RBMS1: variants seen among roughly 807,000 people sequenced by gnomAD.
RBMS1 encodes the protein RNA-binding motif, single-stranded-interacting protein 1.
In RBMS1, 17 loss-of-function variants were observed where a neutral mutation model predicts 62.3. That is an observed-to-expected ratio of 0.27 (90% CI 0.19 to 0.41). The LOEUF is 0.41. Among genes scored for constraint, RBMS1 ranks in the 10% least tolerant of loss-of-function variants. The probability of loss-of-function intolerance (pLI) is 1.00; values close to 1 mark genes in which losing one functional copy is unlikely to be tolerated. For synonymous variants in RBMS1, 172 were observed against 170.0 expected, an observed-to-expected ratio of 1.01 and a Z score of -0.09; for missense variants, 334 against 504.5, an observed-to-expected ratio of 0.66 and a Z score of 3.24.
chr2:160,331,642 T>C (rs1691280233), intron 2 of RBMS1, among the ~76,000 whole-genome samples: 3 of 152,328 alleles, frequency 2.0e-5, no homozygotes, highest in Admixed American at 1.3e-4. Context: ...GTTTTCTACA[T>C]TGAATGCAAT....
intron 2 of RBMS1, among the ~76,000 whole-genome samples, chr2:160,354,708 C>G (rs1337186958): frequency 6.6e-6 from 1 of 152,108 alleles, no homozygotes; most frequent in African/African-American, 2.4e-5. Flanking sequence ...ATCTCCCATG[C>G]AGATTCCTTT....
intron 1 of RBMS1, among the ~76,000 whole-genome samples, chr2:160,448,462 T>C (rs1267850032): frequency 3.3e-5 from 5 of 152,136 alleles, no homozygotes; most frequent in Non-Finnish European, 7.4e-5. Flanking sequence ...GCCTGACTGG[T>C]TTTTGCATTT....
chr2:160,473,585 GT>G (rs1200428750), intron 1 of RBMS1, among the ~76,000 whole-genome samples: 1 of 152,166 alleles, frequency 6.6e-6, no homozygotes, highest in Non-Finnish European at 1.5e-5. Context: ...CTCATTTACT[GT>G]TCAAAGGACA....
chr2:160,433,677 C>T (rs1682997360), intron 1 of RBMS1, among the ~76,000 whole-genome samples: 1 of 152,184 alleles, frequency 6.6e-6, no homozygotes, highest in Non-Finnish European at 1.5e-5. Flanking sequence ...AGCCACACTG[C>T]CTACATAAAA....
intron 6 of RBMS1, among the ~76,000 whole-genome samples, chr2:160,295,716 G>A (rs1042639516): frequency 5.3e-5 from 8 of 152,104 alleles, no homozygotes; most frequent in Non-Finnish European, 1.2e-4. Context: ...ACAAAACCAC[G>A]AAGTTCTTTA....
intron 1 of RBMS1, among the ~76,000 whole-genome samples, chr2:160,474,664 C>T (rs1685054185): frequency 6.6e-6 from 1 of 152,092 alleles, no homozygotes; most frequent in South Asian, 2.1e-4. Context: ...TTCTTGAGTA[C>T]GTATGTACAG....
chr2:160,329,917 A>G (rs1691163444), intron 2 of RBMS1, among the ~76,000 whole-genome samples: 1 of 152,090 alleles, frequency 6.6e-6, no homozygotes, highest in Admixed American at 6.6e-5. Flanking sequence ...TCTAGAAACT[A>G]AAGGCAGATA....
At chr2:160,278,420 TG>T in intron 11 of RBMS1, 127 bp downstream of exon 11, 1 of 755,282 alleles carries the variant, frequency 1.3e-6, no homozygotes, top group Non-Finnish European at 2.3e-6. Context: ...GAAGGTCATG[TG>T]GGGGGAAGAG....
At chr2:160,481,118 A>T (rs556878996) in intron 1 of RBMS1, among the ~76,000 whole-genome samples, 1 of 151,258 alleles carries the variant, frequency 6.6e-6, no homozygotes, top group East Asian at 1.9e-4. Context: ...CAGAAGAAGA[A>T]CCACACAAAC....
intron 1 of RBMS1, among the ~76,000 whole-genome samples, chr2:160,441,949 C>A (rs980761927): frequency 6.6e-6 from 1 of 152,184 alleles, no homozygotes; most frequent in Non-Finnish European, 1.5e-5. Context: ...ACTAGCCATT[C>A]ATATATCTTC....
chr2:160,278,309 T>C (rs1687937578), intron 11 of RBMS1: 1 of 537,330 alleles, frequency 1.9e-6, no homozygotes. Flanking sequence ...AGGCTAGATG[T>C]GGTCACGTGT....
At chr2:160,319,007 T>C (rs1574273646) in intron 2 of RBMS1, among the ~76,000 whole-genome samples, 1 of 152,176 alleles carries the variant, frequency 6.6e-6, no homozygotes, top group Non-Finnish European at 1.5e-5. Flanking sequence ...TTATGTGCCA[T>C]AGATGCTGGG....
chr2:160,441,791 T>C (rs187893632), intron 1 of RBMS1, among the ~76,000 whole-genome samples: 2 of 152,368 alleles, frequency 1.3e-5, no homozygotes, highest in East Asian at 3.9e-4. Context: ...TGATTAAGAA[T>C]ACCAAGTGCT....
chr2:160,396,229 A>T (rs972653037), intron 1 of RBMS1, among the ~76,000 whole-genome samples: 1 of 152,202 alleles, frequency 6.6e-6, no homozygotes, highest in Non-Finnish European at 1.5e-5. Context: ...CATGTGGTTC[A>T]GTTGAAAAAA....
intron 6 of RBMS1, among the ~76,000 whole-genome samples, chr2:160,297,548 T>G (rs1193364956): frequency 1.3e-5 from 2 of 152,232 alleles, no homozygotes; most frequent in African/African-American, 2.4e-5. Context: ...GCTTCTAGTT[T>G]AGTGGGACTG....
At chr2:160,348,678 A>C (rs1692318176) in intron 2 of RBMS1, among the ~76,000 whole-genome samples, 1 of 152,166 alleles carries the variant, frequency 6.6e-6, no homozygotes, top group South Asian at 2.1e-4. Context: ...GAAATCTATC[A>C]TAAGCAGCTC....
At chr2:160,294,973 T>C (rs1426423554) in intron 6 of RBMS1, among the ~76,000 whole-genome samples, 1 of 147,936 alleles carries the variant, frequency 6.8e-6, no homozygotes, top group African/African-American at 2.5e-5. Flanking sequence ...CAGTATCTAA[T>C]ACACAAACTG....
At chr2:160,459,483 A>G (rs924489251) in intron 1 of RBMS1, among the ~76,000 whole-genome samples, 1 of 151,910 alleles carries the variant, frequency 6.6e-6, no homozygotes, top group Non-Finnish European at 1.5e-5. Context: ...AAATAACTGA[A>G]AGTGATACAC....
rs569159674 is a variant in RBMS1, at chr2:160,462,842, C to T, written c.75+30447G>A. Among the ~76,000 whole-genome samples, 15 of 151,650 alleles carry T rather than the reference C, an allele frequency of 9.9e-5. No homozygotes were observed. The East Asian group carries it at 2.7e-3, about 27-fold the overall frequency. On this transcript the variant is annotated intron_variant, in intron 1 of 13. Transcript: ENST00000348849. ...AACTCCTGACCTCAGGTGATCCACC[C>T]GCCTCGGTCCCCCAAAGTGCTGGGA...
Sources: gnomAD v4.1 joint callset for allele counts (sites outside exome capture counted in the v4.1 genomes callset) on GRCh38, gnomAD v4.1.1 for gene constraint, MANE v1.5 for transcripts, NCBI Gene and HGNC (gene_info 2026-07-23, HGNC 2026-07-21) for gene names.